MROH7: variants seen among roughly 807,000 people sequenced by gnomAD.
The protein encoded by MROH7 is maestro heat like repeat family member 7, also known as maestro heat-like repeat-containing protein family member 7.
MROH7 carries 113 observed loss-of-function variants against 129.2 expected under a neutral mutation model. That is an observed-to-expected ratio of 0.87 (90% CI 0.75 to 1.02). MROH7 has a LOEUF of 1.02. MROH7 is among the 50% of genes least tolerant of loss of function. The probability of loss-of-function intolerance (pLI) is 0.00; values close to 1 mark genes in which losing one functional copy is unlikely to be tolerated. For synonymous variants in MROH7, 655 were observed against 667.9 expected (o/e 0.98, Z 0.30); for missense variants, 1,601 against 1,671.3 (o/e 0.96, Z 0.73).
At chr1:54,691,687 T>A (rs1411680479) in intron 15 of MROH7, among the ~76,000 whole-genome samples, 1 of 150,134 alleles carries the variant, frequency 6.7e-6, no homozygotes, top group Non-Finnish European at 1.5e-5. Flanking sequence ...ATGCCTGTAA[T>A]CCCAGCTACT....
intron 7 of MROH7, among the ~76,000 whole-genome samples, 200 bp downstream of exon 7, chr1:54,671,129 T>C (rs921473630): frequency 4.6e-5 from 7 of 152,208 alleles, no homozygotes; most frequent in Admixed American, 3.3e-4. Flanking sequence ...GGCTCACACC[T>C]GTAATCCCAG....
At chr1:54,666,228 T>C (rs1455830563) in intron 4 of MROH7, among the ~76,000 whole-genome samples, 1 of 152,148 alleles carries the variant, frequency 6.6e-6, no homozygotes, top group African/African-American at 2.4e-5. Flanking sequence ...GAAGGTCTGC[T>C]GAAAAAAATC....
intron 1 of MROH7, among the ~76,000 whole-genome samples, chr1:54,644,336 CCCCTT>C (rs1349607904): frequency 1.8e-4 from 25 of 138,738 alleles, no homozygotes; most frequent in South Asian, 1.6e-3. Context: ...CTCTTCTCTT[CCCCTT>C]CCCTTCCCTT....
rs148519585 is a variant in MROH7, at chr1:54,661,423, G to A, written c.1232-3744G>A. On this transcript the variant is annotated intron_variant, in intron 3 of 23. Coordinates refer to ENST00000421030, the MANE Select transcript of MROH7 (RefSeq NM_001039464.4). ...GATGGGGTTTCTCCGTGTTGATCAG[G>A]CTGGTTTCGAACTTCTGACCTCAGG... Among the ~76,000 whole-genome samples, 646 of 152,060 alleles carry A rather than the reference G, an allele frequency of 4.2e-3. 6 individuals are homozygous for A. Among genetic ancestry groups the A allele is most frequent in the African/African-American group, 0.015 (606 of 41,470 alleles).
In MROH7 at chr1:54,653,879, A is replaced by T. The variant is rs138481816; in HGVS notation, c.953A>T (p.Asn318Ile). The T allele has an allele frequency of 6.2e-7, 1 of 1,613,468 alleles. No homozygotes were observed. The highest frequency in any genetic ancestry group is 2.2e-5 in the East Asian group (1 of 44,854). The part of the protein sequence containing the change: ...ISLHSSTHEP[N>I]STISPPSCMT... The stretch of plus-strand genomic sequence containing the variant: ...CTGCACTCCAGCACCCATGAGCCCA[A>T]CTCCACCATCTCTCCACCCTCATGC... The change falls in exon 3 of 24, where the codon AAC becomes ATC. Residue 318 changes from asparagine (N) to isoleucine (I), a missense_variant. By Grantham distance (149) the Asn-to-Ile change is moderately radical. Transcript: ENST00000421030.
At chr1:54,708,920 G>C (rs1193439025) in intron 22 of MROH7, 94 bp from the exon 23 acceptor site, 2 of 921,924 alleles carry the variant, frequency 2.2e-6, no homozygotes, top group Non-Finnish European at 3.3e-6. Flanking sequence ...AGGATAATGG[G>C]AAAAGCATCT....
intron 2 of MROH7, 79 bp downstream of exon 2, chr1:54,652,062 T>G (rs1489385668): frequency 6.6e-6 from 1 of 152,560 alleles, no homozygotes; most frequent in African/African-American, 2.4e-5. Flanking sequence ...GGGGAGTTCA[T>G]CCAGCAGTTA....
At chr1:54,695,304 C>A in intron 16 of MROH7, 72 bp from the exon 17 acceptor site, 1 of 796,214 alleles carries the variant, frequency 1.3e-6, no homozygotes, top group Non-Finnish European at 2.1e-6. Flanking sequence ...TCCAGTGTCA[C>A]AAGCAAATCC....
At chr1:54,699,245 T>TTTCC (rs1306656651) in intron 17 of MROH7, 2 of 147,878 alleles carry the variant, frequency 1.4e-5, no homozygotes, top group Admixed American at 6.8e-5. Context: ...TTCTTTCCCC[T>TTTCC]TTCCTTCCTT....
At chr1:54,701,445 G>A in intron 19 of MROH7, 123 bp downstream of exon 19, 1 of 776,656 alleles carries the variant, frequency 1.3e-6, no homozygotes, top group Non-Finnish European at 1.9e-6. Context: ...AGCCTACTGG[G>A]AGAGGAACTT....
intron 10 of MROH7, among the ~76,000 whole-genome samples, chr1:54,677,892 T>C (rs1487614328): frequency 1.3e-5 from 2 of 152,082 alleles, no homozygotes; most frequent in Non-Finnish European, 2.9e-5. Context: ...GGAGATAAGA[T>C]AGTAAACAAA....
At chr1:54,649,057 GT>G (rs1644514184) in intron 1 of MROH7, among the ~76,000 whole-genome samples, 1 of 152,190 alleles carries the variant, frequency 6.6e-6, no homozygotes, top group Non-Finnish European at 1.5e-5. Flanking sequence ...TGTTCTGTGT[GT>G]GCAAATGTGT....
At position 54,653,562 on chromosome 1, in the gene MROH7, T is replaced by C; in HGVS notation, c.636T>C (p.Leu212=). 6.2e-7 allele frequency: 1 copy of C among 1,614,202 alleles called. No homozygotes were observed. Among genetic ancestry groups the C allele is most frequent in the Non-Finnish European group, 8.5e-7 (1 of 1,180,048 alleles). Residue 212 remains leucine, a synonymous_variant, in exon 3 of 24, where the codon CTT becomes CTC. Coordinates refer to ENST00000421030, the MANE Select transcript of MROH7 (RefSeq NM_001039464.4). ...CAACCTCAAACTCTTCTCTGGACCT[T>C]GACTCCAATCCATTGCTCAACATGG... is the stretch of plus-strand genomic sequence containing the variant. ...LIPTSNSSLD[L]DSNPLLNMGS... is the part of the protein sequence containing the mutation.
At chr1:54,666,059 C>G (rs1476946292) in intron 4 of MROH7, among the ~76,000 whole-genome samples, 2 of 152,202 alleles carry the variant, frequency 1.3e-5, no homozygotes, top group African/African-American at 2.4e-5. Context: ...GGCCTTTGCA[C>G]GTGTTTCTTC....
At chr1:54,694,276 G>C (rs1645286258) in intron 16 of MROH7, among the ~76,000 whole-genome samples, 1 of 152,250 alleles carries the variant, frequency 6.6e-6, no homozygotes, top group Admixed American at 6.5e-5. Flanking sequence ...TAGTGCTGGG[G>C]CCAGGATTTG....
chr1:54,684,226 A>G (rs1645112873), intron 14 of MROH7, among the ~76,000 whole-genome samples: 1 of 152,234 alleles, frequency 6.6e-6, no homozygotes, highest in Admixed American at 6.5e-5. Flanking sequence ...GGGTAGTATT[A>G]TCCCATTACA....
At position 54,690,870 on chromosome 1, in the gene MROH7, T is replaced by A. The variant is rs372344076; in HGVS notation, c.2712-1554T>A. On this transcript the variant is annotated intron_variant, in intron 15 of 23. Transcript: ENST00000421030. ...TTCCCTTTTGAGCTCTGGAGCTCAA[T>A]CTGTGCCCAAGCCAGTTTGTAAGAA... Among the ~76,000 whole-genome samples the A allele has an allele frequency of 1.1e-4, 17 of 152,274 alleles. No individual in the cohort carries two copies. In the South Asian group the frequency reaches 3.5e-3, roughly 32 times the overall value.
intron 1 of MROH7, chr1:54,651,519 A>G (rs1470054386): frequency 6.6e-6 from 1 of 152,366 alleles, no homozygotes; most frequent in Non-Finnish European, 1.5e-5. Context: ...TCTTTGGAGG[A>G]AGTCAAAAGA....
At position 54,678,795 on chromosome 1, in the gene MROH7, C is replaced by T. The variant is rs201099211; in HGVS notation, c.1990C>T (p.His664Tyr). 2.7e-5 allele frequency: 43 copies of T among 1,614,124 alleles called. No individual in the cohort carries two copies. The African/African-American group carries it at 4.3e-4, about 16-fold the overall frequency. Reference protein sequence around the residue: ...NKKELYESNKHFLGPYNPVSP... With the variant: ...NKKELYESNKYFLGPYNPVSP... ...AAAGGAGCTATATGAGAGCAACAAG[C>T]ATTTCCTGGGGCCCTACAACCCTGT... The change falls in exon 11 of 24, where the codon CAT (histidine) becomes TAT (tyrosine). Residue 664 changes from histidine (H) to tyrosine (Y), a missense_variant. By Grantham distance (83) the His-to-Tyr change is moderately conservative. Transcript: ENST00000421030.
Sources: allele counts gnomAD v4.1 joint callset (sites outside exome capture counted in the v4.1 genomes callset), GRCh38; gene constraint gnomAD v4.1.1; transcripts MANE v1.5; gene names NCBI Gene and HGNC (gene_info 2026-07-23, HGNC 2026-07-21).